The following KIAA1549 variants were observed in gnomAD, a reference collection of about 807,000 sequenced individuals.
The protein encoded by KIAA1549 is UPF0606 protein KIAA1549.
A neutral mutation model predicts 156.4 loss-of-function variants in KIAA1549; 70 were observed. The ratio of observed to expected loss-of-function variants is 0.45; its 90% CI spans 0.37 to 0.55. KIAA1549 has a LOEUF of 0.55. KIAA1549 is among the 20% of genes least tolerant of loss of function. The pLI is 0.00. For missense variants in KIAA1549, 2,428 were observed against 2,540.9 expected (o/e 0.96, Z 0.96); for synonymous variants, 1,103 against 1,066.4 (o/e 1.03, Z -0.67).
intron 1 of KIAA1549, among the ~76,000 whole-genome samples, chr7:138,929,888 TCTCA>T (rs1157639548): frequency 6.6e-6 from 1 of 152,146 alleles, no homozygotes; most frequent in Non-Finnish European, 1.5e-5. Context: ...AGAGATAAGG[TCTCA>T]CTATGTTGCC....
chr7:138,952,628 C>T (rs1440213728), intron 1 of KIAA1549, among the ~76,000 whole-genome samples: 2 of 152,200 alleles, frequency 1.3e-5, no homozygotes, highest in Admixed American at 1.3e-4. Context: ...AATACAATAA[C>T]CGCCTAATGA....
At chr7:138,897,796 G>A (rs1216666545) in intron 9 of KIAA1549, among the ~76,000 whole-genome samples, 1 of 150,226 alleles carries the variant, frequency 6.7e-6, no homozygotes, top group African/African-American at 2.5e-5. Flanking sequence ...AGGAGGCTGA[G>A]GCAGGAGGAT....
intron 7 of KIAA1549, among the ~76,000 whole-genome samples, chr7:138,904,606 C>T (rs932727340): frequency 6.8e-6 from 1 of 148,050 alleles, no homozygotes; most frequent in Admixed American, 6.7e-5. Flanking sequence ...AAATATCTGA[C>T]CCACTCCCCT....
chr7:138,908,377 ATTCAGT>A (rs1194443449), intron 5 of KIAA1549, among the ~76,000 whole-genome samples: 3 of 152,246 alleles, frequency 2.0e-5, no homozygotes, highest in Admixed American at 6.5e-5. Context: ...AAGCTTAAAA[ATTCAGT>A]AGAGGGATTG....
intron 10 of KIAA1549, among the ~76,000 whole-genome samples, chr7:138,882,819 T>C (rs1278551771): frequency 6.6e-6 from 1 of 151,866 alleles, no homozygotes; most frequent in African/African-American, 2.4e-5. Flanking sequence ...CGTGCCCCAC[T>C]CAAACCAGTG....
At chr7:138,879,070 T>G (rs772045205) in intron 12 of KIAA1549, among the ~76,000 whole-genome samples, 5 of 152,176 alleles carry the variant, frequency 3.3e-5, no homozygotes, top group Non-Finnish European at 7.3e-5. Context: ...AAAGTAAACA[T>G]GCTAAACCAT....
chr7:138,852,822 G>A (rs573934910), intron 16 of KIAA1549, among the ~76,000 whole-genome samples: 11 of 152,344 alleles, frequency 7.2e-5, no homozygotes, highest in African/African-American at 2.6e-4. Flanking sequence ...ACAAGACGAA[G>A]GCAGCACGTT....
chr7:138,968,327 C>T (rs990421227), intron 1 of KIAA1549, among the ~76,000 whole-genome samples: 1 of 152,068 alleles, frequency 6.6e-6, no homozygotes, highest in Admixed American at 6.5e-5. Context: ...ACGTCCTGCA[C>T]ATGTATTCCA....
In KIAA1549 at chr7:138,922,269, G is replaced by A. The variant is rs372695293; in HGVS notation, c.188-2831C>T. The stretch of plus-strand genomic sequence containing the variant: ...ATTTAAAGTGGACCAGGTCTCCAGC[G>A]CCTGTCAGAAACTAACATAAATCAC... On this transcript the variant is annotated intron_variant, in intron 1 of 19. Transcript: ENST00000422774. 1.7e-4 allele frequency among the ~76,000 whole-genome samples: 26 copies of A among 152,160 alleles called. 1 individual carries two copies. Among genetic ancestry groups the A allele is most frequent in the East Asian group, 3.8e-4 (2 of 5,200 alleles).
intron 1 of KIAA1549, among the ~76,000 whole-genome samples, chr7:138,964,518 T>C (rs961343754): frequency 5.7e-4 from 87 of 152,210 alleles, no homozygotes; most frequent in African/African-American, 2.0e-3. Context: ...CACACAATGT[T>C]TGGCACACAG....
At chr7:138,966,848 C>G (rs1409380367) in intron 1 of KIAA1549, among the ~76,000 whole-genome samples, 1 of 152,118 alleles carries the variant, frequency 6.6e-6, no homozygotes, top group Non-Finnish European at 1.5e-5. Context: ...TCTCTAGCAC[C>G]TTTGGAGGAA....
At chr7:138,945,772 C>T (rs2774964) in intron 1 of KIAA1549, among the ~76,000 whole-genome samples, 76,179 of 152,034 alleles carry the variant, frequency 0.5, 23,298 homozygotes, top group African/African-American at 0.87. Flanking sequence ...AGATTGGTTT[C>T]TTTTCACGGC....
chr7:138,850,869 T>G (rs560290450), intron 17 of KIAA1549, among the ~76,000 whole-genome samples: 14 of 152,328 alleles, frequency 9.2e-5, no homozygotes, highest in African/African-American at 3.4e-4. Context: ...AACTTAATTC[T>G]ACTAGGATTA....
chr7:138,951,007 AGG>A (rs1318951481), intron 1 of KIAA1549, among the ~76,000 whole-genome samples: 2 of 151,904 alleles, frequency 1.3e-5, no homozygotes. Context: ...TTCATCCCCA[AGG>A]TCAGGCCCGC....
In KIAA1549 at chr7:138,861,170, C is replaced by T; in HGVS notation, c.5216G>A (p.Ser1739Asn). 2 of 1,613,856 alleles carry T rather than the reference C, an allele frequency of 1.2e-6. No individual in the cohort carries two copies. Among genetic ancestry groups the T allele is most frequent in the Non-Finnish European group, 1.7e-6 (2 of 1,179,882 alleles). ...RRATQWGSFY[S>N]PAQTANNPCS... ...GGGATTGTTGGCCGTCTGGGCTGGG[C>T]TGTAGAAGGACCCCCACTGGGTGGC... The change falls in exon 16 of 20, where the codon AGC becomes AAC. Residue 1739 changes from serine to asparagine, a missense_variant. This residue lies in a region of KIAA1549 where 363 missense variants were observed against 354.0 expected (regional missense o/e 1.03). Coordinates refer to ENST00000422774, the MANE Select transcript of KIAA1549 (RefSeq NM_001164665.2).
chr7:138,912,249 C>G, intron 3 of KIAA1549, 123 bp downstream of exon 3: 1 of 742,172 alleles, frequency 1.3e-6, no homozygotes, highest in African/African-American at 1.7e-5. Context: ...TAACCAGGAA[C>G]AGACAAGAGG....
At chr7:138,960,287 TTTTATTGA>T (rs201476379) in intron 1 of KIAA1549, among the ~76,000 whole-genome samples, 13 of 90,276 alleles carry the variant, frequency 1.4e-4, no homozygotes, top group Middle Eastern at 6.0e-3. Flanking sequence ...ATAAATTTTA[TTTTATTGA>T]TTTATTGATT....
At chr7:138,866,492 T>C (rs565273519) in intron 15 of KIAA1549, among the ~76,000 whole-genome samples, 9 of 152,344 alleles carry the variant, frequency 5.9e-5, no homozygotes, top group African/African-American at 2.2e-4. Flanking sequence ...TTTGCTAACG[T>C]GTCTCTAAAC....
chr7:138,856,036 A>ATTTTTTTTTTTTTTTTTTTTTT (rs57818656), intron 16 of KIAA1549, among the ~76,000 whole-genome samples: 1 of 141,764 alleles, frequency 7.1e-6, no homozygotes, highest in African/African-American at 2.6e-5. Flanking sequence ...TATTTATTTT[A>ATTTTTTTTTTTTTTTTTTTTTT]TTTTTTTTTT....
Sources: allele counts gnomAD v4.1 joint callset (sites outside exome capture counted in the v4.1 genomes callset), GRCh38; gene constraint gnomAD v4.1.1; regional missense constraint gnomAD v4.1.1; transcripts MANE v1.5; gene names NCBI Gene and HGNC (gene_info 2026-07-23, HGNC 2026-07-21).